The following ITGA9 variants were observed in gnomAD, a reference collection of about 807,000 sequenced individuals.
The protein encoded by ITGA9 is integrin alpha-9.
ITGA9 carries 56 observed loss-of-function variants against 127.8 expected under a neutral mutation model. That is an observed-to-expected ratio of 0.44 (90% confidence interval 0.35 to 0.55). The LOEUF is 0.55. Ranked by LOEUF, ITGA9 falls within the 20% of genes least tolerant of loss-of-function variation. ITGA9 has a pLI of 0.00. For synonymous variants in ITGA9, 508 were observed against 514.5 expected, an observed-to-expected ratio of 0.99 and a Z score of 0.17; for missense variants, 1,196 against 1,347.1, an observed-to-expected ratio of 0.89 and a Z score of 1.76.
intron 10 of ITGA9, among the ~76,000 whole-genome samples, chr3:37,518,388 G>C (rs1213247110): frequency 3.3e-5 from 5 of 152,142 alleles, no homozygotes; most frequent in African/African-American, 1.2e-4. Context: ...CTCCCCCTTG[G>C]CCTCACTTCT....
intron 18 of ITGA9, among the ~76,000 whole-genome samples, chr3:37,716,513 A>C (rs1429345775): frequency 6.6e-6 from 1 of 151,238 alleles, no homozygotes; most frequent in Non-Finnish European, 1.5e-5. Context: ...GGCTCAAAGC[A>C]TGGGAAGTAA....
rs143224581 is a variant in ITGA9 at position 37,719,212 on chromosome 3, G to A, written c.2068-13500G>A. On this transcript the variant is annotated intron_variant, in intron 18 of 27. Coordinates refer to ENST00000264741, the MANE Select transcript of ITGA9 (RefSeq NM_002207.3). ...CCTGTTGAAGCAACAAAGAGAAAGG[G>A]AGGAAGGATCATCCTAGAAGTGGAT... 5.6e-4 allele frequency among the ~76,000 whole-genome samples: 85 copies of A among 152,264 alleles called. No homozygotes were observed. The East Asian group carries it at 0.015, about 27-fold the overall frequency.
intron 15 of ITGA9, among the ~76,000 whole-genome samples, chr3:37,577,986 TA>T (rs1275031265): frequency 2.6e-5 from 4 of 152,222 alleles, no homozygotes; most frequent in Non-Finnish European, 5.9e-5. Flanking sequence ...ATTTGCTTTT[TA>T]AAAAATAATG....
intron 15 of ITGA9, among the ~76,000 whole-genome samples, chr3:37,545,054 A>G (rs1173343536): frequency 6.6e-6 from 1 of 152,222 alleles, no homozygotes; most frequent in Non-Finnish European, 1.5e-5. Context: ...GAACACAGCT[A>G]TGGAAGCTGA....
At chr3:37,548,964 G>T (rs896325679) in intron 15 of ITGA9, among the ~76,000 whole-genome samples, 2 of 152,244 alleles carry the variant, frequency 1.3e-5, no homozygotes, top group Non-Finnish European at 2.9e-5. Flanking sequence ...TAGAACTGAT[G>T]TGTGGGAAAC....
intron 14 of ITGA9, among the ~76,000 whole-genome samples, chr3:37,534,528 G>T (rs1324468787): frequency 6.6e-6 from 1 of 152,232 alleles, no homozygotes; most frequent in Non-Finnish European, 1.5e-5. Flanking sequence ...AAATATTTAC[G>T]TGAGCTAGTT....
chr3:37,608,945 G>A (rs1699993585), intron 15 of ITGA9, among the ~76,000 whole-genome samples: 1 of 152,148 alleles, frequency 6.6e-6, no homozygotes, highest in Non-Finnish European at 1.5e-5. Flanking sequence ...GGTGTTTTGT[G>A]TTTGGAAGAG....
intron 23 of ITGA9, among the ~76,000 whole-genome samples, chr3:37,760,195 G>A (rs957355216): frequency 2.6e-5 from 4 of 151,036 alleles, no homozygotes; most frequent in Non-Finnish European, 5.9e-5. Context: ...CCCAGGAGGC[G>A]GAGGTTGCGG....
intron 15 of ITGA9, among the ~76,000 whole-genome samples, chr3:37,594,614 G>A (rs368548183): frequency 6.6e-6 from 1 of 152,238 alleles, no homozygotes; most frequent in East Asian, 1.9e-4. Context: ...TGAACTCTTA[G>A]GCAGGTCCCT....
In ITGA9 at chr3:37,629,167, G is replaced by T; in HGVS notation, c.1690-20G>T. 1 of 1,612,050 alleles carries T rather than the reference G, an allele frequency of 6.2e-7. No homozygotes were observed. The highest frequency in any genetic ancestry group is 8.5e-7 in the Non-Finnish European group (1 of 1,179,774). ...CAGCCAGGATTAGTAGTTAATGCAC[G>T]TATTTGTTTATTGTTTCAGCGGAGG... On this transcript the variant is annotated intron_variant, in intron 15 of 27. Coordinates refer to ENST00000264741, the MANE Select transcript of ITGA9 (RefSeq NM_002207.3). This position sits in a 1 kb window ranked among gnomAD's most constrained non-coding sequence, Gnocchi z 4.5.
At chr3:37,460,652 C>T (rs1475041792) in intron 1 of ITGA9, among the ~76,000 whole-genome samples, 10 of 141,578 alleles carry the variant, frequency 7.1e-5, no homozygotes, top group Non-Finnish European at 9.0e-5. Context: ...TGCAGTGGTG[C>T]GATCTCGGCT....
At chr3:37,765,217 C>G (rs183172012) in intron 23 of ITGA9, among the ~76,000 whole-genome samples, 1 of 152,016 alleles carries the variant, frequency 6.6e-6, no homozygotes, top group East Asian at 1.9e-4. Context: ...TACTTGAGAT[C>G]GCCCAGTAGG....
chr3:37,668,776 T>A (rs1382909513), intron 17 of ITGA9, among the ~76,000 whole-genome samples: 1 of 152,180 alleles, frequency 6.6e-6, no homozygotes, highest in Non-Finnish European at 1.5e-5. Flanking sequence ...TGATATAACC[T>A]CAGGTGAACA....
chr3:37,815,259 C>A (rs1697416776), intron 27 of ITGA9, among the ~76,000 whole-genome samples: 1 of 152,208 alleles, frequency 6.6e-6, no homozygotes, highest in Non-Finnish European at 1.5e-5. Context: ...CAAATCCTTA[C>A]ACTAGCATAG....
chr3:37,452,278 C>G lies in ITGA9; in HGVS notation c.-97C>G. The G allele has an allele frequency of 1.5e-6, 1 of 669,192 alleles. No homozygotes were observed. The highest frequency in any genetic ancestry group is 1.9e-6 in the Non-Finnish European group (1 of 539,812). The allele number at this position is 669,192 out of a possible 1,614,324, so 41.5% of individuals were successfully genotyped here. On this transcript the variant is annotated 5_prime_UTR_variant, in exon 1 of 28. Transcript: ENST00000264741. The surrounding 1 kb of genome is among the most constrained non-coding windows in gnomAD (Gnocchi z 7.3). Reference sequence around the variant, plus strand: ...CCGCCCGTGTCCAGGCGCAGAGCTCCCGCCCCGGGGAGCTTCCTGGCCGTC... The same window carrying G: ...CCGCCCGTGTCCAGGCGCAGAGCTCGCGCCCCGGGGAGCTTCCTGGCCGTC...
intron 15 of ITGA9, among the ~76,000 whole-genome samples, chr3:37,628,265 C>T (rs981794135): frequency 2.6e-5 from 4 of 152,260 alleles, no homozygotes; most frequent in Non-Finnish European, 4.4e-5. Context: ...GCAGCCCACA[C>T]GCACCCCCGC....
intron 18 of ITGA9, 54 bp downstream of exon 18, chr3:37,684,069 G>A: frequency 2.8e-6 from 4 of 1,452,630 alleles, no homozygotes; most frequent in South Asian, 1.1e-5. Context: ...TGCGCTTGCT[G>A]ACTTTCATTA....
At chr3:37,624,200 C>CTTTTTTTTTTTTTTT (rs58307041) in intron 15 of ITGA9, among the ~76,000 whole-genome samples, 1 of 85,764 alleles carries the variant, frequency 1.2e-5, no homozygotes, top group African/African-American at 5.0e-5. Context: ...AAAAAAAACC[C>CTTTTTTTTTTTTTTT]TTTTTTTTTT....
chr3:37,579,965 C>A (rs1699689741), intron 15 of ITGA9, among the ~76,000 whole-genome samples: 1 of 152,080 alleles, frequency 6.6e-6, no homozygotes, highest in African/African-American at 2.4e-5. Context: ...CATAATTATC[C>A]ATTTAATGTG....
Sources: gnomAD v4.1 joint callset for allele counts (sites outside exome capture counted in the v4.1 genomes callset) on GRCh38, gnomAD v4.1.1 for gene constraint, Gnocchi (gnomAD v3.1) non-coding constraint, MANE v1.5 for transcripts, NCBI Gene and HGNC (gene_info 2026-07-23, HGNC 2026-07-21) for gene names.